MACF1: variants seen among roughly 807,000 people sequenced by gnomAD.
The protein encoded by MACF1 is microtubule-actin cross-linking factor 1.
A neutral mutation model predicts 854.8 loss-of-function variants in MACF1; 193 were observed. The observed-to-expected ratio is 0.23, with a 90% CI of 0.20 to 0.25. MACF1 has a LOEUF of 0.25. Ranked by LOEUF, MACF1 falls within the 10% of genes least tolerant of loss-of-function variation. MACF1 has a pLI of 1.00. For missense variants in MACF1, 7,722 were observed against 8,929.1 expected, an observed-to-expected ratio of 0.86 and a Z score of 5.45; for synonymous variants, 3,185 against 3,226.7, an observed-to-expected ratio of 0.99 and a Z score of 0.44.
intron 51 of MACF1, among the ~76,000 whole-genome samples, chr1:39,371,319 CAA>C (rs764951315): frequency 0.33 from 26,618 of 80,290 alleles, 2,183 homozygotes; most frequent in African/African-American, 0.44. Context: ...GACTCTGTCT[CAA>C]AAAAAAAAAA....
chr1:39,349,333 A>G, intron 41 of MACF1, 145 bp from the exon 42 acceptor site: 1 of 736,116 alleles, frequency 1.4e-6, no homozygotes, highest in Non-Finnish European at 2.2e-6. Context: ...TCCGAATATG[A>G]TTTCTATGTC....
intron 2 of MACF1, among the ~76,000 whole-genome samples, chr1:39,193,871 T>A (rs545064592): frequency 6.6e-6 from 1 of 152,124 alleles, no homozygotes; most frequent in Non-Finnish European, 1.5e-5. Flanking sequence ...TTGAGACAGT[T>A]TCGCTGTTGT....
chr1:39,459,195 G>C lies in MACF1; in HGVS notation c.21306G>C (p.Leu7102=). The stretch of plus-strand genomic sequence containing the variant: ...CTGCCCGCTGGCAGCAGGTGTGGCT[G>C]TTAGCACTGGAGCGGCAAAGGAAAC... ...QLSARWQQVW[L]LALERQRKLN... The change falls in exon 91 of 101, where the codon CTG becomes CTC. Residue 7102 remains leucine, a synonymous_variant. Transcript: ENST00000564288. The C allele has an allele frequency of 6.2e-7, 1 of 1,614,112 alleles. No homozygotes were observed. Among genetic ancestry groups the C allele is most frequent in the South Asian group, 1.1e-5 (1 of 91,072 alleles).
intron 21 of MACF1, among the ~76,000 whole-genome samples, chr1:39,298,393 A>C (rs1645968943): frequency 6.6e-6 from 1 of 152,188 alleles, no homozygotes; most frequent in African/African-American, 2.4e-5. Context: ...CTGGTAATTA[A>C]ATTAGCAGAA....
intron 2 of MACF1, among the ~76,000 whole-genome samples, chr1:39,157,700 C>T (rs1643720502): frequency 6.6e-6 from 1 of 152,164 alleles, no homozygotes; most frequent in African/African-American, 2.4e-5. Flanking sequence ...TACTTAACCT[C>T]TGTCTATTTA....
intron 99 of MACF1, among the ~76,000 whole-genome samples, chr1:39,482,217 G>A (rs1042018302): frequency 5.3e-5 from 8 of 152,112 alleles, no homozygotes; most frequent in African/African-American, 1.2e-4. Context: ...ATTCTAGCCC[G>A]GGTTCTAGCT....
chr1:39,088,973 C>G (rs1306402297), intron 2 of MACF1, among the ~76,000 whole-genome samples: 1 of 152,214 alleles, frequency 6.6e-6, no homozygotes, highest in Non-Finnish European at 1.5e-5. Context: ...GGTATTCATT[C>G]ATCTAACATC....
intron 2 of MACF1, among the ~76,000 whole-genome samples, chr1:39,190,395 G>GTTTTTTTTTTTTTTTT (rs750262685): frequency 1.3e-5 from 1 of 79,032 alleles, no homozygotes; most frequent in African/African-American, 4.7e-5. Flanking sequence ...GTGTGTGTTT[G>GTTTTTTTTTTTTTTTT]TTTTTGTTTT....
chr1:39,442,109 G>C, intron 75 of MACF1, 38 bp from the exon 76 acceptor site: 1 of 1,592,364 alleles, frequency 6.3e-7, no homozygotes, highest in Non-Finnish European at 8.5e-7. Flanking sequence ...GTTTTTAAAG[G>C]CTTGATTTGA....
intron 2 of MACF1, among the ~76,000 whole-genome samples, chr1:39,233,543 G>C (rs1044397796): frequency 3.9e-5 from 6 of 152,076 alleles, no homozygotes; most frequent in Non-Finnish European, 8.8e-5. Flanking sequence ...TCCTCCATGG[G>C]CCAATTGTCC....
chr1:39,443,331 CAG>C, intron 78 of MACF1, 113 bp from the exon 79 acceptor site: 2 of 1,100,252 alleles, frequency 1.8e-6, no homozygotes, highest in Non-Finnish European at 1.3e-6. Context: ...ACAGCTTTGC[CAG>C]AGAGCAGCCG....
At chr1:39,107,637 C>G (rs1053810980) in intron 2 of MACF1, among the ~76,000 whole-genome samples, 1 of 152,234 alleles carries the variant, frequency 6.6e-6, no homozygotes, top group East Asian at 1.9e-4. Flanking sequence ...TAGAAATCCC[C>G]GTACTACCTT....
intron 96 of MACF1, among the ~76,000 whole-genome samples, chr1:39,468,970 T>C (rs1644723818): frequency 6.6e-6 from 1 of 152,200 alleles, no homozygotes. Context: ...GTAATGAGAA[T>C]TAAGAGTGTA....
chr1:39,335,456 A>C lies in MACF1; in HGVS notation c.8868A>C (p.Lys2956Asn). The change falls in exon 37 of 101, where the codon AAA (lysine) becomes AAC (asparagine). Residue 2956 changes from lysine (K) to asparagine (N), a missense_variant. Transcript: ENST00000564288. Reference protein sequence around the residue: ...VQETYCETSGKLPSEQVLQQP... With the variant: ...VQETYCETSGNLPSEQVLQQP... ...AAACATATTGTGAAACGTCAGGCAAATTGCCGAGTGAGCAGGTTTTGCAGC... is the reference window on the plus strand; with the variant it reads ...AAACATATTGTGAAACGTCAGGCAACTTGCCGAGTGAGCAGGTTTTGCAGC... The C allele has an allele frequency of 6.2e-7, 1 of 1,614,210 alleles. No homozygotes were observed. Among genetic ancestry groups the C allele is most frequent in the South Asian group, 1.1e-5 (1 of 91,082 alleles).
chr1:39,358,957 CATAAA>C lies in MACF1; in HGVS notation c.12120+90_12120+94del. 2.0e-6 allele frequency: 3 copies of C among 1,493,842 alleles called. No individual in the cohort carries two copies. In the East Asian group the frequency reaches 6.8e-5, roughly 34 times the overall value. The allele number at this position is 1,493,842 out of a possible 1,614,324, so 92.5% of individuals were successfully genotyped here. A position where few individuals can be genotyped will look rare whatever the true frequency, so the allele number is the denominator to read the frequency against. The stretch of plus-strand genomic sequence containing the variant: ...TACCCCAAAATAAAGCAAATGCTTA[CATAAA>C]ATAAAGGCAGTGGTTGGGATGCCTT... On this transcript the variant is annotated intron_variant, in intron 46 of 100. Transcript: ENST00000564288.
chr1:39,386,652 G>A (rs996033726), intron 57 of MACF1, among the ~76,000 whole-genome samples: 10 of 152,106 alleles, frequency 6.6e-5, no homozygotes, highest in African/African-American at 1.9e-4. Flanking sequence ...GGCTGGTCTC[G>A]AACTCTTGAC....
intron 22 of MACF1, among the ~76,000 whole-genome samples, chr1:39,300,646 C>T (rs1646019873): frequency 6.6e-6 from 1 of 152,188 alleles, no homozygotes; most frequent in African/African-American, 2.4e-5. Flanking sequence ...ATATCCTTGA[C>T]TCCCCCACCC....
At chr1:39,308,184 G>A (rs1471186355) in intron 23 of MACF1, among the ~76,000 whole-genome samples, 1 of 151,926 alleles carries the variant, frequency 6.6e-6, no homozygotes, top group Admixed American at 6.6e-5. Flanking sequence ...GATTACAGGC[G>A]TGAGCCACCA....
At chr1:39,099,031 G>T (rs190178919) in intron 2 of MACF1, among the ~76,000 whole-genome samples, 2 of 152,330 alleles carry the variant, frequency 1.3e-5, no homozygotes, top group African/African-American at 2.4e-5. Context: ...GCTTGGGGCT[G>T]CCCCTTCAGT....
Sources: allele counts gnomAD v4.1 joint callset (sites outside exome capture counted in the v4.1 genomes callset), GRCh38; gene constraint gnomAD v4.1.1; transcripts MANE v1.5; gene names NCBI Gene and HGNC (gene_info 2026-07-23, HGNC 2026-07-21).